The following EIF4E3 variants were observed in gnomAD, a reference collection of about 807,000 sequenced individuals.
EIF4E3 encodes the protein eukaryotic translation initiation factor 4E family member 3, also known as eukaryotic translation initiation factor 4E type 3.
In EIF4E3, 26 loss-of-function variants were observed where a neutral mutation model predicts 31.7. That is an observed-to-expected ratio of 0.82 (90% confidence interval 0.60 to 1.14). The LOEUF is 1.14. Among genes scored for constraint, EIF4E3 ranks in the 50% most tolerant of loss-of-function variants. EIF4E3 has a pLI of 0.00. For synonymous variants in EIF4E3, 128 were observed against 107.7 expected (o/e 1.19, Z -1.17); for missense variants, 304 against 270.9 (o/e 1.12, Z -0.86).
downstream of EIF4E3, among the ~76,000 whole-genome samples, chr3:71,670,553 A>G (rs1271453203): frequency 6.6e-6 from 1 of 152,156 alleles, no homozygotes; most frequent in African/African-American, 2.4e-5. Flanking sequence ...TTTGGTGGGG[A>G]GAGGAAGCTA....
intron 2 of EIF4E3, among the ~76,000 whole-genome samples, chr3:71,706,907 T>C (rs1428817817): frequency 1.3e-5 from 2 of 152,198 alleles, no homozygotes; most frequent in Non-Finnish European, 2.9e-5. Context: ...ACTTACAAGA[T>C]AGTATCCTGG....
upstream of EIF4E3, chr3:71,729,321 T>C (rs1028997417): frequency 2.0e-5 from 3 of 152,214 alleles, no homozygotes; most frequent in African/African-American, 7.2e-5. Context: ...ACACTGGAAG[T>C]CACACAGCCA....
At chr3:71,662,629 T>C in the EIF4E3 span, among the ~76,000 whole-genome samples, 1 of 152,224 alleles carries the variant, frequency 6.6e-6, no homozygotes, top group Non-Finnish European at 1.5e-5. Flanking sequence ...AAAGAAGGCA[T>C]TTTAATTTCC....
chr3:71,729,223 G>A (rs2049676131), upstream of EIF4E3: 1 of 152,208 alleles, frequency 6.6e-6, no homozygotes, highest in Admixed American at 6.5e-5. Context: ...GGGAGTCACA[G>A]GAACAGCAGA....
intron 1 of EIF4E3, among the ~76,000 whole-genome samples, chr3:71,720,435 T>A (rs1451686500): frequency 6.6e-6 from 1 of 151,826 alleles, no homozygotes; most frequent in Non-Finnish European, 1.5e-5. Context: ...CCTCAAGAGA[T>A]CCTCCCTCCT....
At chr3:71,712,898 G>T (rs2049404323) in intron 1 of EIF4E3, among the ~76,000 whole-genome samples, 1 of 148,308 alleles carries the variant, frequency 6.7e-6, no homozygotes, top group Admixed American at 6.7e-5. Flanking sequence ...GCTATATATG[G>T]TTCTTTTTAA....
chr3:71,709,491 T>C (rs2049344006), intron 2 of EIF4E3, among the ~76,000 whole-genome samples: 2 of 152,212 alleles, frequency 1.3e-5, no homozygotes, highest in South Asian at 4.1e-4. Flanking sequence ...GTGATCATTG[T>C]ACCTCAGCCT....
At chr3:71,709,037 T>C (rs912078084) in intron 2 of EIF4E3, among the ~76,000 whole-genome samples, 2 of 152,192 alleles carry the variant, frequency 1.3e-5, no homozygotes, top group African/African-American at 2.4e-5. Flanking sequence ...TCCTGGGACT[T>C]CATAATTATG....
intron 6 of EIF4E3, among the ~76,000 whole-genome samples, chr3:71,688,725 G>A (rs1460478922): frequency 2.6e-5 from 4 of 152,152 alleles, no homozygotes; most frequent in Admixed American, 2.6e-4. Context: ...TTAATATCTG[G>A]GGTGAAAATA....
At chr3:71,665,038 T>C in the EIF4E3 span, among the ~76,000 whole-genome samples, 1,657 of 152,358 alleles carry the variant, frequency 0.011, 32 homozygotes, top group African/African-American at 0.037. Context: ...TTATTTTTTC[T>C]TATAAGAATC....
downstream of EIF4E3, among the ~76,000 whole-genome samples, chr3:71,673,617 T>C (rs530827345): frequency 6.6e-6 from 1 of 152,160 alleles, no homozygotes; most frequent in South Asian, 2.1e-4. Flanking sequence ...ATTGCATTCA[T>C]ACTTACATGC....
chr3:71,754,242 G>C, upstream of EIF4E3: 1 of 1,294,404 alleles, frequency 7.7e-7, no homozygotes, highest in Non-Finnish European at 1.0e-6. The surrounding 1 kb of genome is among the most constrained non-coding windows in gnomAD (Gnocchi z 5.8). Context: ...CCTGGCCGAC[G>C]GGCTGCGCGC....
chr3:71,716,205 C>T (rs749935214), intron 1 of EIF4E3, among the ~76,000 whole-genome samples: 3 of 152,054 alleles, frequency 2.0e-5, no homozygotes, highest in African/African-American at 4.8e-5. Context: ...AACATGATTC[C>T]GGAAGAAGTG....
chr3:71,667,034 A>G, the EIF4E3 span, among the ~76,000 whole-genome samples: 1 of 152,358 alleles, frequency 6.6e-6, no homozygotes, highest in East Asian at 1.9e-4. Context: ...ATGCAGCAGC[A>G]CATTAAAAAG....
intron 4 of EIF4E3, among the ~76,000 whole-genome samples, chr3:71,695,258 CA>C (rs2049120377): frequency 6.6e-6 from 1 of 152,120 alleles, no homozygotes; most frequent in Non-Finnish European, 1.5e-5. Context: ...GATTGGCCCA[CA>C]AGACTCCCAC....
intron 1 of EIF4E3, among the ~76,000 whole-genome samples, chr3:71,733,874 T>A (rs1482691508): frequency 6.8e-6 from 1 of 148,036 alleles, no homozygotes; most frequent in Admixed American, 6.7e-5. Flanking sequence ...CTGCATTATT[T>A]GTTTTCTAAA....
intron 1 of EIF4E3, among the ~76,000 whole-genome samples, chr3:71,733,380 G>C (rs2049727361): frequency 6.6e-6 from 1 of 152,140 alleles, no homozygotes; most frequent in African/African-American, 2.4e-5. Flanking sequence ...TTTTGTTTTG[G>C]GGATTTCATT....
chr3:71,747,005 T>C (rs1047441773), intron 1 of EIF4E3, among the ~76,000 whole-genome samples: 5 of 152,252 alleles, frequency 3.3e-5, no homozygotes, highest in African/African-American at 1.2e-4. Flanking sequence ...TAGGGATATA[T>C]GACATTTTAT....
At chr3:71,713,268 T>G (rs1375688905) in intron 1 of EIF4E3, among the ~76,000 whole-genome samples, 1 of 152,170 alleles carries the variant, frequency 6.6e-6, no homozygotes, top group Non-Finnish European at 1.5e-5. Flanking sequence ...TAGCCACAAA[T>G]ATGTGATTTG....
Sources: gnomAD v4.1 joint callset for allele counts (sites outside exome capture counted in the v4.1 genomes callset) on GRCh38, gnomAD v4.1.1 for gene constraint, Gnocchi (gnomAD v3.1) non-coding constraint, MANE v1.5 for transcripts, NCBI Gene and HGNC (gene_info 2026-07-23, HGNC 2026-07-21) for gene names.